MOB3B: variants seen among roughly 807,000 people sequenced by gnomAD.
MOB3B encodes the protein MOB kinase activator-like 2B.
Under a neutral mutation model 18.7 loss-of-function variants are expected in MOB3B, and 7 were observed. That is an observed-to-expected ratio of 0.37 (90% CI 0.21 to 0.70). MOB3B has a LOEUF of 0.70. Among genes scored for constraint, MOB3B ranks in the 30% least tolerant of loss-of-function variants. The pLI is 0.52. For missense variants in MOB3B, 253 were observed against 281.3 expected (o/e 0.90, Z 0.72); for synonymous variants, 111 against 99.9 (o/e 1.11, Z -0.66).
At chr9:27,342,407 T>C (rs1820956453) in intron 3 of MOB3B, among the ~76,000 whole-genome samples, 1 of 152,196 alleles carries the variant, frequency 6.6e-6, no homozygotes, top group Admixed American at 6.5e-5. Context: ...TACATGCCTA[T>C]AGTCCCTTAG....
chr9:27,494,333 C>T (rs1394718044), intron 1 of MOB3B, among the ~76,000 whole-genome samples: 1 of 152,066 alleles, frequency 6.6e-6, no homozygotes, highest in East Asian at 1.9e-4. Context: ...TGTCTGTGAC[C>T]CACACCTATT....
At chr9:27,469,269 G>A (rs774547246) in intron 1 of MOB3B, among the ~76,000 whole-genome samples, 1 of 151,842 alleles carries the variant, frequency 6.6e-6, no homozygotes, top group Non-Finnish European at 1.5e-5. Context: ...TGCCTGGCTG[G>A]GAATTTTTTT....
At chr9:27,482,510 C>G (rs1219533084) in intron 1 of MOB3B, among the ~76,000 whole-genome samples, 3 of 152,182 alleles carry the variant, frequency 2.0e-5, no homozygotes, top group Non-Finnish European at 4.4e-5. Context: ...ACTCTTTGAG[C>G]CAGTTCCTGG....
intron 1 of MOB3B, among the ~76,000 whole-genome samples, chr9:27,487,493 A>T (rs1452845078): frequency 1.3e-5 from 2 of 152,116 alleles, no homozygotes; most frequent in Non-Finnish European, 2.9e-5. Flanking sequence ...TGTGCACAGT[A>T]TCCACCTAGG....
intron 2 of MOB3B, among the ~76,000 whole-genome samples, chr9:27,403,011 A>G (rs1405473912): frequency 1.3e-5 from 2 of 152,214 alleles, no homozygotes; most frequent in Admixed American, 1.3e-4. Flanking sequence ...TCTCTCACCA[A>G]ACATTCAACC....
chr9:27,413,627 G>GTT (rs768179082), intron 2 of MOB3B, among the ~76,000 whole-genome samples: 11,317 of 152,164 alleles, frequency 0.074, 503 homozygotes, highest in South Asian at 0.12. Context: ...AAAATTGGAG[G>GTT]GTGTTCCAGT....
intron 2 of MOB3B, among the ~76,000 whole-genome samples, chr9:27,397,888 TG>T (rs1331196964): frequency 1.3e-5 from 2 of 152,122 alleles, no homozygotes; most frequent in African/African-American, 4.8e-5. Context: ...CATTGCAGGG[TG>T]TTTAGTAGTA....
rs1273617613 is a variant in MOB3B, at chr9:27,326,461, C to T, written c.*4126G>A. On this transcript the variant is annotated 3_prime_UTR_variant, in exon 4 of 4. Coordinates refer to ENST00000262244, the MANE Select transcript of MOB3B (RefSeq NM_024761.5). ...GGACACTAGAAAAGATATACTGAAA[C>T]TCAAAAAGAATACTTCAGCTCGAGT... 1 of 398,402 alleles carries T rather than the reference C, an allele frequency of 2.5e-6. No individual in the cohort carries two copies. The highest frequency in any genetic ancestry group is 3.6e-5 in the East Asian group (1 of 28,070). The allele number at this position is 398,402 out of a possible 1,614,324, so 24.7% of individuals were successfully genotyped here. A position where few individuals can be genotyped will look rare whatever the true frequency, so the allele number is the denominator to read the frequency against.
At chr9:27,509,089 G>A (rs928954413) in intron 1 of MOB3B, among the ~76,000 whole-genome samples, 1 of 152,196 alleles carries the variant, frequency 6.6e-6, no homozygotes, top group Non-Finnish European at 1.5e-5. Flanking sequence ...CCATGCCACC[G>A]TCTAAGTCTA....
At chr9:27,499,991 G>T (rs1304569924) in intron 1 of MOB3B, among the ~76,000 whole-genome samples, 1 of 152,068 alleles carries the variant, frequency 6.6e-6, no homozygotes, top group South Asian at 2.1e-4. Flanking sequence ...TACAAAGTCG[G>T]TCTCAAGTTA....
intron 2 of MOB3B, among the ~76,000 whole-genome samples, chr9:27,420,595 A>G (rs1441189539): frequency 2.0e-5 from 2 of 99,824 alleles, no homozygotes; most frequent in Non-Finnish European, 4.0e-5. Flanking sequence ...ATATATATAT[A>G]TGGAATACTA....
intron 3 of MOB3B, among the ~76,000 whole-genome samples, chr9:27,333,391 T>G (rs978485781): frequency 6.6e-6 from 1 of 151,688 alleles, no homozygotes. Flanking sequence ...CAAATGGCAA[T>G]GCTAGGTTCC....
chr9:27,481,359 A>T (rs1429320317), intron 1 of MOB3B, among the ~76,000 whole-genome samples: 2 of 152,180 alleles, frequency 1.3e-5, no homozygotes, highest in Non-Finnish European at 2.9e-5. Context: ...AGTAGGTCAC[A>T]TAACTGAGTA....
intron 1 of MOB3B, among the ~76,000 whole-genome samples, chr9:27,469,034 C>CTTTGTTTAAA (rs1260600806): frequency 1.3e-5 from 2 of 152,142 alleles, no homozygotes; most frequent in Non-Finnish European, 2.9e-5. Context: ...CAATACCACG[C>CTTTGTTTAAA]AAAGACCTTT....
chr9:27,388,373 T>C (rs1383599417), intron 2 of MOB3B, among the ~76,000 whole-genome samples: 1 of 152,192 alleles, frequency 6.6e-6, no homozygotes, highest in Non-Finnish European at 1.5e-5. Flanking sequence ...CCATACAGCT[T>C]TCATATTAGC....
chr9:27,404,825 T>C lies in MOB3B; in HGVS notation c.419-45589A>G, dbSNP rs1587186890. ...ATGTGGTAGTTTTATTTTTAGTTCT[T>C]TGAGGAACTTCTGTACTGTTCTCCA... On this transcript the variant is annotated intron_variant, in intron 2 of 3. Transcript: ENST00000262244. 2.0e-5 allele frequency among the ~76,000 whole-genome samples: 3 copies of C among 152,294 alleles called. No homozygotes were observed. In the Middle Eastern group the frequency reaches 0.01, roughly 518 times the overall value.
intron 2 of MOB3B, among the ~76,000 whole-genome samples, chr9:27,416,544 A>ATTTTTTTTTTTTTTTTTTTTTT (rs559806304): frequency 8.2e-6 from 1 of 121,418 alleles, no homozygotes; most frequent in African/African-American, 2.9e-5. Flanking sequence ...TTTCTTTTTA[A>ATTTTTTTTTTTTTTTTTTTTTT]TTTTTTTTTT....
chr9:27,490,615 C>A (rs2484317), intron 1 of MOB3B, among the ~76,000 whole-genome samples: 1 of 152,048 alleles, frequency 6.6e-6, no homozygotes, highest in African/African-American at 2.4e-5. Flanking sequence ...TGGGGAGGAA[C>A]CTAGGGTGGC....
intron 2 of MOB3B, among the ~76,000 whole-genome samples, chr9:27,415,659 C>A (rs767228908): frequency 1.3e-5 from 2 of 152,124 alleles, no homozygotes; most frequent in Non-Finnish European, 2.9e-5. Context: ...GCTAGCAGAG[C>A]CCCATCAGCT....
Sources: gnomAD v4.1 joint callset for allele counts (sites outside exome capture counted in the v4.1 genomes callset) on GRCh38, gnomAD v4.1.1 for gene constraint, MANE v1.5 for transcripts, NCBI Gene and HGNC (gene_info 2026-07-23, HGNC 2026-07-21) for gene names.